AFF3: variants seen among roughly 807,000 people sequenced by gnomAD.
The protein encoded by AFF3 is ALF transcription elongation factor 3, also known as AF4/FMR2 family member 3.
In AFF3, 32 loss-of-function variants were observed where a neutral mutation model predicts 129.7. The ratio of observed to expected loss-of-function variants is 0.25; its 90% confidence interval spans 0.19 to 0.33. AFF3 has a LOEUF of 0.33. Among genes scored for constraint, AFF3 ranks in the 10% least tolerant of loss-of-function variants. The pLI is 1.00. For synonymous variants in AFF3, 644 were observed against 635.4 expected, an observed-to-expected ratio of 1.01 and a Z score of -0.20; for missense variants, 1,373 against 1,592.0, an observed-to-expected ratio of 0.86 and a Z score of 2.34.
intron 4 of AFF3, among the ~76,000 whole-genome samples, chr2:100,032,552 C>T (rs1684586865): frequency 6.6e-6 from 1 of 152,088 alleles, no homozygotes; most frequent in Admixed American, 6.5e-5. Flanking sequence ...AATTGTGTAC[C>T]TCACACTGTA....
intron 7 of AFF3, among the ~76,000 whole-genome samples, chr2:99,885,651 C>G (rs1219308831): frequency 2.0e-5 from 3 of 152,116 alleles, no homozygotes; most frequent in Non-Finnish European, 4.4e-5. Context: ...TAAGTCTTGA[C>G]AATTCCATCC....
intron 7 of AFF3, among the ~76,000 whole-genome samples, chr2:99,957,732 T>C (rs1466231366): frequency 6.6e-6 from 1 of 152,142 alleles, no homozygotes; most frequent in Non-Finnish European, 1.5e-5. Context: ...CATTAAGTCT[T>C]TTTTAGAGGG....
intron 8 of AFF3, among the ~76,000 whole-genome samples, chr2:99,809,546 A>AGACAG (rs1686628840): frequency 6.6e-6 from 1 of 152,224 alleles, no homozygotes; most frequent in South Asian, 2.1e-4. Flanking sequence ...GCTGGAATTT[A>AGACAG]ACACTAAGCC....
At chr2:99,674,232 A>G (rs747182153) in intron 11 of AFF3, among the ~76,000 whole-genome samples, 4 of 152,196 alleles carry the variant, frequency 2.6e-5, no homozygotes, top group African/African-American at 4.8e-5. Flanking sequence ...ATTCCTCTGC[A>G]TGTCTGGCAC....
rs1674762306 is a variant in AFF3, at chr2:99,554,730, G to A, written c.3288C>T (p.Asn1096=). ...YSKALIDYFK[N]SSKAAQAPSP... ...ATGGGGCTTGGGCGGCTTTAGATGA[G>A]TTCTGCAAGAAAATAAAAACACTGA... Residue 1096 remains asparagine, a splice_region_variant and synonymous_variant, in exon 23 of 25, where the codon AAC becomes AAT. Coordinates refer to ENST00000672756, the MANE Select transcript of AFF3 (RefSeq NM_001386135.1). The A allele has an allele frequency of 1.9e-6, 3 of 1,614,192 alleles. No homozygotes were observed. In the South Asian group the frequency reaches 3.3e-5, roughly 18 times the overall value.
At chr2:99,596,173 A>C (rs1478775977) in intron 14 of AFF3, among the ~76,000 whole-genome samples, 1 of 152,230 alleles carries the variant, frequency 6.6e-6, no homozygotes, top group Admixed American at 6.5e-5. Context: ...GTAGAAAGAC[A>C]GATGGTTTTT....
chr2:100,008,826 T>G lies in AFF3; in HGVS notation c.160A>C (p.Ser54Arg). The change falls in exon 5 of 25, where the codon AGT becomes CGT. Residue 54 changes from serine to arginine, a missense_variant. Physicochemically the swap from Ser to Arg is moderately radical, Grantham distance 110. Around this residue, in one of 9 missense-constraint regions of AFF3, gnomAD observed 255 missense variants for 256.0 expected, o/e 1.00. Transcript: ENST00000672756. ...AAACCATCTACCTTGTAGGGCTCAC[T>G]GAAGAGAGAGTAACTAGAATTAAAC... ...GTFNSSYSLF[S>R]EPYKTNKGDE... is the part of the protein sequence containing the mutation. The G allele has an allele frequency of 6.2e-7, 1 of 1,614,084 alleles. No individual in the cohort carries two copies. Among genetic ancestry groups the G allele is most frequent in the Non-Finnish European group, 8.5e-7 (1 of 1,179,948 alleles).
intron 7 of AFF3, among the ~76,000 whole-genome samples, chr2:99,856,234 GTAATAAATA>G (rs145134047): frequency 0.012 from 1,845 of 152,212 alleles, 41 homozygotes; most frequent in African/African-American, 0.042. Context: ...TTCCTTTGTT[GTAATAAATA>G]TACAATACTA....
intron 9 of AFF3, among the ~76,000 whole-genome samples, chr2:99,744,952 C>T (rs1261232798): frequency 6.6e-6 from 1 of 152,188 alleles, no homozygotes; most frequent in African/African-American, 2.4e-5. Flanking sequence ...TTTTAAGGAA[C>T]TGCCAAACGA....
intron 13 of AFF3, among the ~76,000 whole-genome samples, chr2:99,602,283 C>A (rs1679910141): frequency 6.6e-6 from 1 of 152,160 alleles, no homozygotes; most frequent in South Asian, 2.1e-4. Context: ...TCCTAGAGAA[C>A]TGAAGATCCC....
chr2:99,898,831 C>A (rs1007429541), intron 7 of AFF3, among the ~76,000 whole-genome samples: 1 of 152,304 alleles, frequency 6.6e-6, no homozygotes, highest in East Asian at 1.9e-4. Flanking sequence ...ACATCAAAGG[C>A]TCCACTGCCT....
At chr2:99,941,715 C>T (rs992595168) in intron 7 of AFF3, among the ~76,000 whole-genome samples, 5 of 152,200 alleles carry the variant, frequency 3.3e-5, no homozygotes, top group Non-Finnish European at 5.9e-5. Flanking sequence ...CCTCCTTCTT[C>T]CTCCTTCCTA....
At chr2:99,932,612 C>T (rs1000891629) in intron 7 of AFF3, among the ~76,000 whole-genome samples, 3 of 152,192 alleles carry the variant, frequency 2.0e-5, no homozygotes, top group Non-Finnish European at 4.4e-5. Flanking sequence ...TTGGGCCTTG[C>T]ACACTATGGC....
chr2:99,735,526 T>G (rs1057434662), intron 10 of AFF3, among the ~76,000 whole-genome samples: 15 of 152,220 alleles, frequency 9.9e-5, no homozygotes, highest in African/African-American at 3.1e-4. Context: ...GGAGTCTCAC[T>G]CTGTCATCCA....
intron 12 of AFF3, among the ~76,000 whole-genome samples, chr2:99,663,832 C>T (rs1255332598): frequency 2.0e-5 from 3 of 152,160 alleles, no homozygotes; most frequent in Non-Finnish European, 4.4e-5. Flanking sequence ...TTGTCATCTC[C>T]GAAACACTTG....
intron 12 of AFF3, among the ~76,000 whole-genome samples, chr2:99,668,056 G>A (rs1686831815): frequency 6.6e-6 from 1 of 152,006 alleles, no homozygotes; most frequent in Admixed American, 6.5e-5. Context: ...TACTCAGGAG[G>A]CTGAGGCAGG....
intron 7 of AFF3, among the ~76,000 whole-genome samples, chr2:99,948,828 CACA>C (rs1675886021): frequency 1.3e-5 from 2 of 152,136 alleles, no homozygotes; most frequent in Admixed American, 1.3e-4. Context: ...ATCATGAGCT[CACA>C]ACAAGATCCA....
At chr2:99,991,484 G>A (rs908959122) in intron 7 of AFF3, among the ~76,000 whole-genome samples, 2 of 152,152 alleles carry the variant, frequency 1.3e-5, no homozygotes, top group African/African-American at 4.8e-5. Flanking sequence ...TCTCCTCTCT[G>A]TTGCCAGACT....
At chr2:100,117,259 A>G (rs1193969481) in intron 2 of AFF3, among the ~76,000 whole-genome samples, 1 of 152,078 alleles carries the variant, frequency 6.6e-6, no homozygotes, top group Non-Finnish European at 1.5e-5. Context: ...TGAGACTTCA[A>G]TTTTATGCAT....
Sources: gnomAD v4.1 joint callset for allele counts (sites outside exome capture counted in the v4.1 genomes callset) on GRCh38, gnomAD v4.1.1 for gene constraint, gnomAD v4.1.1 regional missense constraint, MANE v1.5 for transcripts, NCBI Gene and HGNC (gene_info 2026-07-23, HGNC 2026-07-21) for gene names.